NKAIN3: variants seen among roughly 807,000 people sequenced by gnomAD.
The protein encoded by NKAIN3 is sodium/potassium transporting ATPase interacting 3.
Under a neutral mutation model 30.2 loss-of-function variants are expected in NKAIN3, and 25 were observed. That is an observed-to-expected ratio of 0.83 (90% CI 0.60 to 1.16). The LOEUF is 1.16. Ranked by LOEUF, NKAIN3 falls within the 50% of genes most tolerant of loss-of-function variation. The pLI is 0.00. For synonymous variants in NKAIN3, 91 were observed against 89.6 expected (o/e 1.02, Z -0.09); for missense variants, 225 against 254.1 (o/e 0.89, Z 0.78).
intron 1 of NKAIN3, among the ~76,000 whole-genome samples, chr8:62,286,731 G>A (rs1361336782): frequency 6.6e-6 from 1 of 152,026 alleles, no homozygotes; most frequent in African/African-American, 2.4e-5. Flanking sequence ...TTCAGTGGTG[G>A]GTGGCTTGGG....
intron 4 of NKAIN3, among the ~76,000 whole-genome samples, chr8:62,769,199 A>G (rs1816942568): frequency 6.6e-6 from 1 of 152,240 alleles, no homozygotes; most frequent in Admixed American, 6.5e-5. Context: ...TTGCAAAGAA[A>G]GTTCTTAATG....
chr8:62,476,782 C>T (rs1806534039), intron 1 of NKAIN3, among the ~76,000 whole-genome samples: 1 of 152,014 alleles, frequency 6.6e-6, no homozygotes, highest in Non-Finnish European at 1.5e-5. Context: ...GTCATTGTGC[C>T]CTGCCTCATA....
chr8:62,281,694 T>C (rs1160719839), intron 1 of NKAIN3, among the ~76,000 whole-genome samples: 1 of 152,160 alleles, frequency 6.6e-6, no homozygotes, highest in Non-Finnish European at 1.5e-5. Flanking sequence ...TTTGAGTGGG[T>C]TTCTTAATCC....
At chr8:62,836,426 G>T (rs556378220) in intron 4 of NKAIN3, among the ~76,000 whole-genome samples, 3 of 151,990 alleles carry the variant, frequency 2.0e-5, no homozygotes, top group East Asian at 1.9e-4. Context: ...TTTAGATTTT[G>T]TATGGTGTCC....
intron 4 of NKAIN3, among the ~76,000 whole-genome samples, chr8:62,891,034 G>C (rs1374392171): frequency 6.6e-6 from 1 of 152,184 alleles, no homozygotes; most frequent in Non-Finnish European, 1.5e-5. Flanking sequence ...CCAATGGGCA[G>C]AGGCAAGTAT....
intron 3 of NKAIN3, among the ~76,000 whole-genome samples, chr8:62,689,261 C>T (rs767329106): frequency 2.0e-5 from 3 of 152,116 alleles, no homozygotes; most frequent in Admixed American, 1.3e-4. Context: ...GACATCTGCA[C>T]TAAGTACCTA....
exon 6 of NKAIN3, chr8:62,999,239 A>C (rs186800580): frequency 6.6e-6 from 1 of 152,352 alleles, no homozygotes; most frequent in African/African-American, 2.4e-5. Flanking sequence ...AGGGTGTACA[A>C]GCAACATGGT....
chr8:62,488,371 C>T (rs370022260), intron 1 of NKAIN3, among the ~76,000 whole-genome samples: 5 of 152,188 alleles, frequency 3.3e-5, no homozygotes, highest in East Asian at 1.9e-4. Flanking sequence ...ATCTCCATGA[C>T]TTCTTAGCAC....
intron 5 of NKAIN3, among the ~76,000 whole-genome samples, chr8:62,996,063 C>T (rs750945678): frequency 5.3e-5 from 8 of 152,162 alleles, no homozygotes; most frequent in Non-Finnish European, 1.2e-4. Flanking sequence ...TAAATATTCC[C>T]ATTGAACATA....
intron 1 of NKAIN3, among the ~76,000 whole-genome samples, chr8:62,489,063 T>G (rs1450104093): frequency 6.6e-6 from 1 of 152,200 alleles, no homozygotes; most frequent in Non-Finnish European, 1.5e-5. Context: ...AATCACACAT[T>G]AGTCTAAGTA....
At chr8:62,802,309 C>T (rs1016909542) in intron 4 of NKAIN3, among the ~76,000 whole-genome samples, 3 of 152,078 alleles carry the variant, frequency 2.0e-5, no homozygotes, top group Non-Finnish European at 2.9e-5. Context: ...CTCCAAGACA[C>T]GTAGTTGTCA....
At chr8:62,550,883 G>A (rs1249247969) in intron 1 of NKAIN3, among the ~76,000 whole-genome samples, 1 of 152,106 alleles carries the variant, frequency 6.6e-6, no homozygotes, top group African/African-American at 2.4e-5. Flanking sequence ...CCCAACTCTG[G>A]TGTCCTAGGA....
At chr8:62,832,547 T>C (rs1166468932) in intron 4 of NKAIN3, among the ~76,000 whole-genome samples, 2 of 147,162 alleles carry the variant, frequency 1.4e-5, no homozygotes, top group Non-Finnish European at 2.9e-5. Flanking sequence ...AAGTAAAAGG[T>C]TGGAGTAAAC....
At chr8:62,825,073 A>G (rs2130736557) in intron 4 of NKAIN3, among the ~76,000 whole-genome samples, 1 of 152,342 alleles carries the variant, frequency 6.6e-6, no homozygotes, top group South Asian at 2.1e-4. Context: ...AAGAAAGCAA[A>G]GATTTAAGCT....
At chr8:62,766,719 A>C (rs1229788648) in intron 4 of NKAIN3, among the ~76,000 whole-genome samples, 3 of 152,170 alleles carry the variant, frequency 2.0e-5, no homozygotes, top group Non-Finnish European at 4.4e-5. Context: ...TTTCCCCTCA[A>C]TTTGGAGTGT....
At chr8:62,681,178 A>C (rs1218880135) in intron 3 of NKAIN3, among the ~76,000 whole-genome samples, 1 of 152,232 alleles carries the variant, frequency 6.6e-6, no homozygotes, top group African/African-American at 2.4e-5. Context: ...TGCTCTGAAT[A>C]TCCATTTAAA....
intron 5 of NKAIN3, among the ~76,000 whole-genome samples, chr8:62,939,995 C>G (rs1042417958): frequency 1.3e-5 from 2 of 151,964 alleles, no homozygotes; most frequent in African/African-American, 4.8e-5. Flanking sequence ...CCAACCAAGT[C>G]TCTTCTGTCT....
rs553789937 is a variant in NKAIN3, at chr8:62,335,789, C to A, written c.54+86662C>A. Among the ~76,000 whole-genome samples, 5 of 152,158 alleles carry A rather than the reference C, an allele frequency of 3.3e-5. No homozygotes were observed. In the South Asian group the frequency reaches 1.0e-3, roughly 32 times the overall value. ...CTCTCCGTTTCTCTCTTGAATCCAT[C>A]CTCCTTTTCCATAAAAACTTTATGG... On this transcript the variant is annotated intron_variant, in intron 1 of 6. Coordinates refer to ENST00000623646, the MANE Select transcript of NKAIN3 (RefSeq NM_001304533.3).
At chr8:62,493,436 A>T (rs1346370001) in intron 1 of NKAIN3, among the ~76,000 whole-genome samples, 1 of 152,126 alleles carries the variant, frequency 6.6e-6, no homozygotes, top group Non-Finnish European at 1.5e-5. Flanking sequence ...GCCCTGTAAT[A>T]TAATTTGAAG....
Sources: gnomAD v4.1 joint callset for allele counts (sites outside exome capture counted in the v4.1 genomes callset) on GRCh38, gnomAD v4.1.1 for gene constraint, MANE v1.5 for transcripts, NCBI Gene and HGNC (gene_info 2026-07-23, HGNC 2026-07-21) for gene names.